Variants in ANKS1B observed in about 807,000 individuals in gnomAD.
ANKS1B encodes ankyrin repeat and sterile alpha motif domain-containing protein 1B.
Under a neutral mutation model 148.3 loss-of-function variants are expected in ANKS1B, and 36 were observed. The ratio of observed to expected loss-of-function variants is 0.24; its 90% CI spans 0.19 to 0.32. The LOEUF (loss-of-function observed/expected upper bound fraction) is 0.32, where lower values mean the gene tolerates loss of function less well. Ranked by LOEUF, ANKS1B falls within the 10% of genes least tolerant of loss-of-function variation. The pLI is 1.00. For missense variants in ANKS1B, 1,157 were observed against 1,542.6 expected (o/e 0.75, Z 4.19); for synonymous variants, 542 against 560.8 (o/e 0.97, Z 0.47).
chr12:99,512,936 T>C (rs1412943260), intron 9 of ANKS1B, among the ~76,000 whole-genome samples: 1 of 151,762 alleles, frequency 6.6e-6, no homozygotes, highest in Non-Finnish European at 1.5e-5. Flanking sequence ...AAAGAATAGC[T>C]AATAGATGCT....
chr12:99,622,530 A>C (rs2098066420), intron 9 of ANKS1B, among the ~76,000 whole-genome samples: 1 of 152,036 alleles, frequency 6.6e-6, no homozygotes. Context: ...AGAAGAACAC[A>C]ATGAGAAATG....
At chr12:99,153,339 T>G (rs2075422137) in intron 15 of ANKS1B, among the ~76,000 whole-genome samples, 1 of 152,166 alleles carries the variant, frequency 6.6e-6, no homozygotes, top group African/African-American at 2.4e-5. Context: ...GGCTATTACT[T>G]ATTTCCACAA....
chr12:99,440,340 C>T (rs1190486162), intron 11 of ANKS1B, among the ~76,000 whole-genome samples: 4 of 151,694 alleles, frequency 2.6e-5, no homozygotes, highest in Non-Finnish European at 5.9e-5. Flanking sequence ...ACAAAGCCAA[C>T]ACAAGTAACA....
chr12:99,075,689 T>C (rs766735039), intron 16 of ANKS1B, among the ~76,000 whole-genome samples: 1 of 151,810 alleles, frequency 6.6e-6, no homozygotes, highest in African/African-American at 2.4e-5. Flanking sequence ...GCAAGTCAAC[T>C]GCTCCTCCTG....
chr12:99,300,575 T>G (rs1207555750), intron 12 of ANKS1B, among the ~76,000 whole-genome samples: 1 of 152,178 alleles, frequency 6.6e-6, no homozygotes, highest in Non-Finnish European at 1.5e-5. Flanking sequence ...GTTTACATAT[T>G]TACAAATCAC....
chr12:98,820,948 A>G (rs1020132677), intron 19 of ANKS1B, among the ~76,000 whole-genome samples: 2 of 152,278 alleles, frequency 1.3e-5, no homozygotes, highest in Non-Finnish European at 2.9e-5. Flanking sequence ...AGCATAATGT[A>G]GAAGAAAACT....
chr12:99,300,806 G>C (rs559026848), intron 12 of ANKS1B, among the ~76,000 whole-genome samples: 47 of 152,274 alleles, frequency 3.1e-4, no homozygotes, highest in African/African-American at 1.1e-3. Flanking sequence ...GTGCAGTTTA[G>C]GTAGTATTTT....
intron 15 of ANKS1B, among the ~76,000 whole-genome samples, chr12:99,091,453 T>G (rs2053957038): frequency 6.6e-6 from 1 of 152,168 alleles, no homozygotes; most frequent in African/African-American, 2.4e-5. Context: ...ATTATGTGTA[T>G]TTGTAAAAGA....
chr12:99,451,387 C>T (rs577872293), intron 10 of ANKS1B, among the ~76,000 whole-genome samples: 92 of 152,272 alleles, frequency 6.0e-4, no homozygotes, highest in African/African-American at 2.0e-3. Flanking sequence ...ATGATAGATG[C>T]TTTTCAGCTG....
chr12:99,685,282 G>T (rs1393038361), intron 8 of ANKS1B, among the ~76,000 whole-genome samples: 1 of 152,038 alleles, frequency 6.6e-6, no homozygotes, highest in African/African-American at 2.4e-5. Context: ...GACATGAATA[G>T]ACAATTCTCA....
chr12:98,849,205 G>A (rs1318093691), intron 17 of ANKS1B, among the ~76,000 whole-genome samples: 5 of 151,646 alleles, frequency 3.3e-5, no homozygotes, highest in Non-Finnish European at 7.4e-5. Flanking sequence ...TTAATTCTTT[G>A]AGATGAAGTG....
At chr12:98,756,556 C>CAAAAAAAAA (rs536086383) in intron 25 of ANKS1B, among the ~76,000 whole-genome samples, 4 of 104,548 alleles carry the variant, frequency 3.8e-5, no homozygotes, top group Non-Finnish European at 7.9e-5. Flanking sequence ...ACTAAAAATA[C>CAAAAAAAAA]AAAAAAAAAA....
intron 8 of ANKS1B, among the ~76,000 whole-genome samples, chr12:99,739,344 G>GA (rs2059886304): frequency 7.7e-6 from 1 of 129,216 alleles, no homozygotes; most frequent in Non-Finnish European, 1.6e-5. Context: ...GTTTTTTTTG[G>GA]GGGGGGCGGG....
In ANKS1B at chr12:99,827,673, T is replaced by G. The variant is rs183750435; in HGVS notation, c.135-2284A>C. 4.6e-5 allele frequency among the ~76,000 whole-genome samples: 7 copies of G among 152,360 alleles called. No individual in the cohort carries two copies. The East Asian group carries it at 1.2e-3, about 25-fold the overall frequency. ...CAAATATACACAATAAAATTTATTTTTTTAAATACCACAATGACATGCTAC... is the reference window on the plus strand; with the variant it reads ...CAAATATACACAATAAAATTTATTTGTTTAAATACCACAATGACATGCTAC... On this transcript the variant is annotated intron_variant, in intron 1 of 26. Coordinates refer to ENST00000683438, the MANE Select transcript of ANKS1B (RefSeq NM_001352186.2).
At chr12:99,424,514 A>G (rs1194175033) in intron 11 of ANKS1B, among the ~76,000 whole-genome samples, 1 of 149,606 alleles carries the variant, frequency 6.7e-6, no homozygotes, top group Non-Finnish European at 1.5e-5. Flanking sequence ...CTTAAAAGCT[A>G]TGAAGTAAAT....
intron 8 of ANKS1B, among the ~76,000 whole-genome samples, chr12:99,764,632 A>G (rs2062472895): frequency 6.6e-6 from 1 of 152,170 alleles, no homozygotes; most frequent in African/African-American, 2.4e-5. Flanking sequence ...CATGTTGGCC[A>G]GGCTGGTCTC....
At chr12:99,048,226 T>G (rs2099963720) in intron 17 of ANKS1B, among the ~76,000 whole-genome samples, 1 of 152,210 alleles carries the variant, frequency 6.6e-6, no homozygotes, top group Non-Finnish European at 1.5e-5. Context: ...AATGAACAGA[T>G]GTCCACTAAA....
Position 99,972,454 on chromosome 12 carries a change from G to A in ANKS1B, c.134+11650C>T, listed in dbSNP as rs79383690. Among the ~76,000 whole-genome samples the A allele has an allele frequency of 1.3e-4, 20 of 152,258 alleles. No homozygotes were observed. The East Asian group carries it at 3.9e-3, about 29-fold the overall frequency. On this transcript the variant is annotated intron_variant, in intron 1 of 26. Transcript: ENST00000683438. ...TTGCTGATATGGAGAAAGTTTGAGG[G>A]GTCTGGATAGAAGATCATAACAGCA...
At chr12:99,180,930 C>G (rs2079041858) in intron 14 of ANKS1B, among the ~76,000 whole-genome samples, 1 of 152,186 alleles carries the variant, frequency 6.6e-6, no homozygotes, top group African/African-American at 2.4e-5. Context: ...TCCCTACTGA[C>G]TGTCCTCATA....
Sources: allele counts gnomAD v4.1 joint callset (sites outside exome capture counted in the v4.1 genomes callset), GRCh38; gene constraint gnomAD v4.1.1; transcripts MANE v1.5; gene names NCBI Gene and HGNC (gene_info 2026-07-23, HGNC 2026-07-21).